The following PLCL1 variants were observed in gnomAD, a reference collection of about 807,000 sequenced individuals.
PLCL1 encodes the protein phospholipase C like 1 (inactive), also known as inactive phospholipase C-like protein 1.
A neutral mutation model predicts 84.4 loss-of-function variants in PLCL1; 41 were observed. That is an observed-to-expected ratio of 0.49 (90% CI 0.38 to 0.63). The LOEUF is 0.63. Among genes scored for constraint, PLCL1 ranks in the 30% least tolerant of loss-of-function variants. The pLI is 0.00. For synonymous variants in PLCL1, 490 were observed against 488.3 expected (o/e 1.00, Z -0.05); for missense variants, 1,206 against 1,367.8 (o/e 0.88, Z 1.87).
At chr2:197,981,036 G>A (rs1040072885) in intron 1 of PLCL1, among the ~76,000 whole-genome samples, 5 of 152,112 alleles carry the variant, frequency 3.3e-5, no homozygotes, top group Non-Finnish European at 7.4e-5. Flanking sequence ...AGTTACTTTT[G>A]TACCAATCTA....
chr2:197,834,832 G>A (rs540579703), intron 1 of PLCL1, among the ~76,000 whole-genome samples: 2 of 152,228 alleles, frequency 1.3e-5, no homozygotes, highest in East Asian at 3.9e-4. Flanking sequence ...TCATTCTACT[G>A]TAAAGACACA....
intron 2 of PLCL1, 82 bp from the exon 3 acceptor site, chr2:198,088,776 T>C: frequency 1.2e-6 from 1 of 824,068 alleles, no homozygotes; most frequent in Admixed American, 1.7e-5. Context: ...TAAAAATGAA[T>C]GTACTTTTCT....
At chr2:197,881,360 T>A (rs1574929062) in intron 1 of PLCL1, among the ~76,000 whole-genome samples, 1 of 152,150 alleles carries the variant, frequency 6.6e-6, no homozygotes, top group East Asian at 1.9e-4. Flanking sequence ...ACAGCCCTCT[T>A]AGTTTTGTGA....
intron 1 of PLCL1, among the ~76,000 whole-genome samples, chr2:198,042,998 A>G (rs945623041): frequency 3.3e-5 from 5 of 152,164 alleles, no homozygotes; most frequent in African/African-American, 9.7e-5. Context: ...GAATCTGGTA[A>G]AAATAGGACA....
intron 3 of PLCL1, among the ~76,000 whole-genome samples, chr2:198,090,609 T>G (rs1209888564): frequency 6.6e-6 from 1 of 152,208 alleles, no homozygotes; most frequent in African/African-American, 2.4e-5. Flanking sequence ...ACTTCATGGT[T>G]GCTAGGGGGA....
intron 1 of PLCL1, chr2:198,001,912 T>C (rs1415146100): frequency 2.5e-6 from 1 of 403,146 alleles, no homozygotes; most frequent in Admixed American, 2.7e-5. Flanking sequence ...TATAAGAATC[T>C]AATGACTGAT....
At chr2:197,979,622 AT>A (rs970126329) in intron 1 of PLCL1, among the ~76,000 whole-genome samples, 59 of 152,226 alleles carry the variant, frequency 3.9e-4, no homozygotes, top group Non-Finnish European at 7.6e-4. Flanking sequence ...GTCCAAGTCC[AT>A]TTGTGGGACC....
chr2:198,106,437 A>T (rs926208954), intron 5 of PLCL1, among the ~76,000 whole-genome samples: 2 of 151,900 alleles, frequency 1.3e-5, no homozygotes, highest in Admixed American at 6.6e-5. Flanking sequence ...AGTCCAGTGG[A>T]GGAGGGGGAT....
intron 1 of PLCL1, among the ~76,000 whole-genome samples, chr2:197,884,774 T>C (rs1159280501): frequency 6.6e-6 from 1 of 152,192 alleles, no homozygotes; most frequent in African/African-American, 2.4e-5. Context: ...ACAATTTAAA[T>C]CACCATCATC....
intron 1 of PLCL1, among the ~76,000 whole-genome samples, chr2:197,950,838 C>T (rs1689376707): frequency 6.6e-6 from 1 of 152,092 alleles, no homozygotes; most frequent in Non-Finnish European, 1.5e-5. Context: ...CTAATATTCT[C>T]CTATAATGAA....
At chr2:197,977,109 C>T (rs1443164099) in intron 1 of PLCL1, among the ~76,000 whole-genome samples, 2 of 152,196 alleles carry the variant, frequency 1.3e-5, no homozygotes, top group Non-Finnish European at 2.9e-5. Flanking sequence ...TTTCTCTCCG[C>T]CTCCTCTTGT....
intron 1 of PLCL1, among the ~76,000 whole-genome samples, chr2:197,837,488 C>T (rs1027753062): frequency 1.3e-5 from 2 of 152,146 alleles, no homozygotes; most frequent in Admixed American, 6.6e-5. Context: ...GTTAGAATTG[C>T]GCCTCAAGAT....
chr2:197,922,668 T>C (rs1286140407), intron 1 of PLCL1, among the ~76,000 whole-genome samples: 6 of 97,916 alleles, frequency 6.1e-5, no homozygotes, highest in Non-Finnish European at 1.0e-4. Context: ...CCCACCTCCC[T>C]CCCGGACGGG....
intron 1 of PLCL1, among the ~76,000 whole-genome samples, chr2:197,935,007 A>C (rs913961769): frequency 6.6e-6 from 1 of 152,130 alleles, no homozygotes; most frequent in Non-Finnish European, 1.5e-5. Flanking sequence ...GACGACATAC[A>C]CTCGGCCAAC....
rs1463860685 is a variant in PLCL1 at position 198,084,089 on chromosome 2, C to T, written c.572C>T (p.Ser191Phe). The T allele has an allele frequency of 6.2e-7, 1 of 1,614,032 alleles. No homozygotes were observed. The highest frequency in any genetic ancestry group is 8.5e-7 in the Non-Finnish European group (1 of 1,180,008). Residue 191 changes from serine to phenylalanine, a missense_variant, in exon 2 of 6, where the codon TCC becomes TTC. Transcript: ENST00000428675. ...CAGATCTGTGAGGACTGTGCCTTTTCCATACTCCACGGGGAAAACTATGAG... is the reference window on the plus strand; with the variant it reads ...CAGATCTGTGAGGACTGTGCCTTTTTCATACTCCACGGGGAAAACTATGAG... ...ADQICEDCAFSILHGENYESL... is the reference protein window; with the variant it reads ...ADQICEDCAFFILHGENYESL...
intron 3 of PLCL1, among the ~76,000 whole-genome samples, chr2:198,091,746 A>G (rs1388302478): frequency 9.7e-6 from 1 of 102,928 alleles, no homozygotes; most frequent in Non-Finnish European, 1.9e-5. Flanking sequence ...AAAATAAAAT[A>G]AAATAAAATA....
intron 1 of PLCL1, among the ~76,000 whole-genome samples, chr2:197,855,305 A>AT (rs547534637): frequency 1.0e-3 from 159 of 151,694 alleles, no homozygotes; most frequent in Non-Finnish European, 1.3e-3. Flanking sequence ...GCACACTGCT[A>AT]TTTTTTTTCA....
At chr2:198,065,706 G>A (rs1445990628) in intron 1 of PLCL1, among the ~76,000 whole-genome samples, 1 of 152,126 alleles carries the variant, frequency 6.6e-6, no homozygotes, top group African/African-American at 2.4e-5. Flanking sequence ...TAATTTAATA[G>A]AACTTAAAGG....
chr2:198,105,485 T>A (rs907600538), intron 5 of PLCL1, among the ~76,000 whole-genome samples: 1 of 151,878 alleles, frequency 6.6e-6, no homozygotes, highest in African/African-American at 2.4e-5. Flanking sequence ...ATCTCTAGGT[T>A]CATACTCTAG....
Sources: allele counts gnomAD v4.1 joint callset (sites outside exome capture counted in the v4.1 genomes callset), GRCh38; gene constraint gnomAD v4.1.1; transcripts MANE v1.5; gene names NCBI Gene and HGNC (gene_info 2026-07-23, HGNC 2026-07-21).